The following TNPO1 variants were observed in gnomAD, a reference collection of about 807,000 sequenced individuals.
TNPO1 encodes transportin-1.
Under a neutral mutation model 119.5 loss-of-function variants are expected in TNPO1, and 8 were observed. The ratio of observed to expected loss-of-function variants is 0.07; its 90% CI spans 0.04 to 0.12. TNPO1 has a LOEUF of 0.12. Ranked by LOEUF, TNPO1 falls within the 10% of genes least tolerant of loss-of-function variation. The probability of loss-of-function intolerance (pLI) is 1.00; values close to 1 mark genes in which losing one functional copy is unlikely to be tolerated. For missense variants in TNPO1, 576 were observed against 1,089.8 expected (o/e 0.53, Z 6.64); for synonymous variants, 362 against 363.0 (o/e 1.00, Z 0.03).
At chr5:72,817,065 T>G in intron 1 of TNPO1, 1 of 401,322 alleles carries the variant, frequency 2.5e-6, no homozygotes, top group Non-Finnish European at 4.4e-6. Context: ...GGGGAGCGTT[T>G]GCCTCGCCTG....
At chr5:72,892,177 A>C (rs1749111560) in intron 15 of TNPO1, among the ~76,000 whole-genome samples, 1 of 152,010 alleles carries the variant, frequency 6.6e-6, no homozygotes, top group Non-Finnish European at 1.5e-5. Flanking sequence ...CGGGATATAT[A>C]TATATATCTT....
Position 72,865,683 on chromosome 5 carries a change from A to G in TNPO1, c.550A>G (p.Ile184Val), listed in dbSNP as rs1411294042. Residue 184 changes from isoleucine to valine, a missense_variant, in exon 6 of 25, where the codon ATT becomes GTT. Physicochemically the swap from Ile to Val is conservative, Grantham distance 29. Around this residue, in one of 6 missense-constraint regions of TNPO1, gnomAD observed 310 missense variants for 583.0 expected, o/e 0.53. Coordinates refer to ENST00000337273, the MANE Select transcript of TNPO1 (RefSeq NM_002270.4). ...DVLDRPLNIM[I>V]PKFLQFFKHS... ...TTTAGATCGTCCTCTCAACATCATG[A>G]TTCCCAAATTTTTACAGTTCTTCAA... 2.8e-5 allele frequency: 45 copies of G among 1,613,918 alleles called. No individual in the cohort carries two copies. The highest frequency in any genetic ancestry group is 3.8e-5 in the Non-Finnish European group (45 of 1,179,868).
At chr5:72,883,835 C>T (rs1580452653) in intron 11 of TNPO1, among the ~76,000 whole-genome samples, 2 of 152,090 alleles carry the variant, frequency 1.3e-5, no homozygotes, top group Non-Finnish European at 2.9e-5. Flanking sequence ...CCTTGACCTC[C>T]CTGGGCTCTG....
chr5:72,817,244 C>T (rs1364709892), intron 1 of TNPO1, among the ~76,000 whole-genome samples: 2 of 152,212 alleles, frequency 1.3e-5, no homozygotes, highest in Non-Finnish European at 1.5e-5. Context: ...CGCCCATCGT[C>T]CTTACATGCA....
intron 7 of TNPO1, among the ~76,000 whole-genome samples, chr5:72,874,690 C>G (rs1040070271): frequency 6.6e-6 from 1 of 152,126 alleles, no homozygotes; most frequent in Admixed American, 6.5e-5. Flanking sequence ...CCCATTTGAT[C>G]GTTGAATTTC....
chr5:72,823,060 A>G (rs552389686), intron 1 of TNPO1, among the ~76,000 whole-genome samples: 1 of 152,040 alleles, frequency 6.6e-6, no homozygotes, highest in African/African-American at 2.4e-5. Context: ...TGCAAAATCC[A>G]GTCTGAACCA....
chr5:72,849,947 T>A (rs1258567749), intron 2 of TNPO1, among the ~76,000 whole-genome samples: 1 of 152,194 alleles, frequency 6.6e-6, no homozygotes, highest in African/African-American at 2.4e-5. Context: ...CTTGTTTTAG[T>A]CTACATTTAT....
intron 4 of TNPO1, among the ~76,000 whole-genome samples, chr5:72,858,137 G>A (rs1580405664): frequency 2.0e-5 from 3 of 152,294 alleles, no homozygotes; most frequent in African/African-American, 7.2e-5. Flanking sequence ...AGATGAAGGA[G>A]CTTCAAACAT....
chr5:72,820,299 A>G (rs939695232), intron 1 of TNPO1, among the ~76,000 whole-genome samples: 4 of 152,204 alleles, frequency 2.6e-5, no homozygotes, highest in African/African-American at 7.2e-5. Flanking sequence ...AGAGTCCCCA[A>G]AGCAAAAATA....
intron 24 of TNPO1, among the ~76,000 whole-genome samples, chr5:72,907,651 A>G (rs371224498): frequency 1.3e-4 from 20 of 152,208 alleles, no homozygotes; most frequent in South Asian, 4.1e-4. Flanking sequence ...ACTGTTTAGC[A>G]TAGAAAAAAG....
At chr5:72,871,223 C>T (rs956811216) in intron 6 of TNPO1, among the ~76,000 whole-genome samples, 1 of 152,088 alleles carries the variant, frequency 6.6e-6, no homozygotes, top group Non-Finnish European at 1.5e-5. Flanking sequence ...GTGATCCGCC[C>T]GCCTCGGCCT....
At chr5:72,865,879 C>A in intron 6 of TNPO1, 150 bp downstream of exon 6, 1 of 850,516 alleles carries the variant, frequency 1.2e-6, no homozygotes. Flanking sequence ...AAATTGACTA[C>A]TTCAGTAACA....
intron 1 of TNPO1, among the ~76,000 whole-genome samples, chr5:72,824,646 T>G (rs185293170): frequency 2.6e-5 from 4 of 152,238 alleles, no homozygotes; most frequent in African/African-American, 9.6e-5. Flanking sequence ...TCCTTTTCCT[T>G]TATTTTCACT....
chr5:72,824,761 C>T (rs918432330), intron 1 of TNPO1, among the ~76,000 whole-genome samples: 3 of 151,868 alleles, frequency 2.0e-5, no homozygotes, highest in African/African-American at 7.3e-5. Flanking sequence ...CTTGAAATAC[C>T]ATGTAAATAT....
rs768784208 is a variant in TNPO1 at position 72,872,699 on chromosome 5, G to A, written c.657G>A (p.Leu219=). 3.1e-6 allele frequency: 5 copies of A among 1,607,464 alleles called. No homozygotes were observed. The South Asian group carries it at 4.5e-5, about 14-fold the overall frequency. Residue 219 remains leucine, a synonymous_variant, in exon 7 of 25, where the codon TTG becomes TTA. Transcript: ENST00000337273. ...TCAGTAGGACTCAAGCTCTAATGTT[G>A]CACATTGATTCTTTTATTGAGGTAA... is the stretch of plus-strand genomic sequence containing the variant. The part of the protein sequence containing the change: ...FIISRTQALM[L]HIDSFIENLF...
intron 5 of TNPO1, among the ~76,000 whole-genome samples, chr5:72,863,566 A>G (rs1746646261): frequency 6.6e-6 from 1 of 152,166 alleles, no homozygotes. Flanking sequence ...TTGAGAGACC[A>G]GCCTGGCCAA....
intron 13 of TNPO1, among the ~76,000 whole-genome samples, chr5:72,889,430 A>G (rs1477526138): frequency 6.6e-6 from 1 of 152,116 alleles, no homozygotes; most frequent in Non-Finnish European, 1.5e-5. Flanking sequence ...GGGAGGGAGG[A>G]TATAGATTAT....
chr5:72,857,094 T>C (rs980551508), intron 4 of TNPO1, among the ~76,000 whole-genome samples: 3 of 152,076 alleles, frequency 2.0e-5, no homozygotes, highest in Admixed American at 6.6e-5. Context: ...CTGAGGCGGA[T>C]GGATCACCTG....
chr5:72,817,579 T>C (rs191729133), intron 1 of TNPO1, among the ~76,000 whole-genome samples: 97 of 152,368 alleles, frequency 6.4e-4, no homozygotes, highest in Middle Eastern at 6.8e-3. Flanking sequence ...TATCAGTAGA[T>C]GTAAATGTAG....
Sources: allele counts gnomAD v4.1 joint callset (sites outside exome capture counted in the v4.1 genomes callset), GRCh38; gene constraint gnomAD v4.1.1; regional missense constraint gnomAD v4.1.1; transcripts MANE v1.5; gene names NCBI Gene and HGNC (gene_info 2026-07-23, HGNC 2026-07-21).